Variants in DOP1A observed in about 807,000 individuals in gnomAD.
DOP1A encodes the protein DOP1 leucine zipper like protein A, also known as protein DOP1A.
DOP1A carries 90 observed loss-of-function variants against 267.6 expected under a neutral mutation model. That is an observed-to-expected ratio of 0.34 (90% CI 0.28 to 0.40). The LOEUF is 0.40. Ranked by LOEUF, DOP1A falls within the 10% of genes least tolerant of loss-of-function variation. DOP1A has a pLI of 1.00. For missense variants in DOP1A, 2,437 were observed against 2,900.4 expected, an observed-to-expected ratio of 0.84 and a Z score of 3.67; for synonymous variants, 932 against 999.1, an observed-to-expected ratio of 0.93 and a Z score of 1.27.
chr6:83,068,096 C>G (rs1398016213), intron 1 of DOP1A, among the ~76,000 whole-genome samples: 1 of 152,188 alleles, frequency 6.6e-6, no homozygotes, highest in Non-Finnish European at 1.5e-5. Flanking sequence ...GGTCCCGAGC[C>G]TCCCCTGCTG....
intron 1 of DOP1A, among the ~76,000 whole-genome samples, chr6:83,081,590 C>T (rs1489205672): frequency 6.6e-6 from 1 of 152,084 alleles, no homozygotes; most frequent in Non-Finnish European, 1.5e-5. Context: ...TATGAAACTA[C>T]TAGGAGAAAC....
intron 18 of DOP1A, 99 bp downstream of exon 18, chr6:83,132,427 T>A: frequency 8.2e-7 from 1 of 1,221,580 alleles, no homozygotes; most frequent in Non-Finnish European, 1.1e-6. Flanking sequence ...TTATTGCAAT[T>A]AACATCGGAG....
chr6:83,142,111 TCTC>T (rs1779745730), intron 24 of DOP1A, 65 bp downstream of exon 24: 1 of 1,570,456 alleles, frequency 6.4e-7, no homozygotes, highest in Non-Finnish European at 8.6e-7. Context: ...AATTTCCACT[TCTC>T]CATATATTGC....
chr6:83,136,465 T>C (rs1778876931), intron 20 of DOP1A, among the ~76,000 whole-genome samples: 1 of 152,170 alleles, frequency 6.6e-6, no homozygotes, highest in South Asian at 2.1e-4. Flanking sequence ...CTCTCACATA[T>C]GTCATTTGTC....
At chr6:83,113,444 A>G (rs780014895) in intron 7 of DOP1A, 23 bp downstream of exon 7, 24 of 1,578,366 alleles carry the variant, frequency 1.5e-5, no homozygotes, top group Non-Finnish European at 2.0e-5. Flanking sequence ...CGCCGATGTT[A>G]TTATAAGGCA....
At position 83,137,401 on chromosome 6, in the gene DOP1A, A is replaced by G; in HGVS notation, c.3359A>G (p.Asp1120Gly). The change falls in exon 21 of 39, where the codon GAC (aspartate) becomes GGC (glycine). Residue 1120 changes from aspartate to glycine, a missense_variant. By Grantham distance (94) the Asp-to-Gly change is moderately conservative. Around this residue, in one of 9 missense-constraint regions of DOP1A, gnomAD observed 878 missense variants for 992.9 expected, o/e 0.88. Transcript: ENST00000349129. ...DSGCSQSSAG[D>G]NLSYEVDPET... Reference sequence around the variant, plus strand: ...GGATGTTCACAGTCCTCTGCTGGGGACAACTTGAGTTACGAAGTTGATCCT... The same window carrying G: ...GGATGTTCACAGTCCTCTGCTGGGGGCAACTTGAGTTACGAAGTTGATCCT... The G allele has an allele frequency of 6.2e-7, 1 of 1,613,830 alleles. No homozygotes were observed. Among genetic ancestry groups the G allele is most frequent in the Non-Finnish European group, 8.5e-7 (1 of 1,179,856 alleles).
chr6:83,132,278 T>C lies in DOP1A; in HGVS notation c.2719T>C (p.Ser907Pro). The C allele has an allele frequency of 6.2e-7, 1 of 1,613,752 alleles. No homozygotes were observed. Among genetic ancestry groups the C allele is most frequent in the Non-Finnish European group, 8.5e-7 (1 of 1,179,748 alleles). The change falls in exon 18 of 39, where the codon TCT becomes CCT. Residue 907 changes from serine (S) to proline (P), a missense_variant. By Grantham distance (74) the Ser-to-Pro change is moderately conservative. Transcript: ENST00000349129. ...TCAATTACATAACTTAGTTCCTTCT[T>C]CTAGCATCTGTGAGGATGTTATAAG... ...FYQLHNLVPS[S>P]SICEDVISQQ...
downstream of DOP1A, chr6:83,169,970 A>G: frequency 2.6e-6 from 1 of 384,372 alleles, no homozygotes; most frequent in Non-Finnish European, 4.9e-6. Context: ...TCATGTCACA[A>G]GAGTATATTT....
chr6:83,154,303 C>T, intron 33 of DOP1A, 62 bp downstream of exon 33: 4 of 1,462,178 alleles, frequency 2.7e-6, no homozygotes, highest in East Asian at 2.3e-5. Context: ...TTACTATTTA[C>T]TTGTACTCTT....
intron 38 of DOP1A, among the ~76,000 whole-genome samples, chr6:83,164,039 T>A (rs1784848256): frequency 6.7e-6 from 1 of 150,268 alleles, no homozygotes; most frequent in East Asian, 1.9e-4. Context: ...TCTTTTACAT[T>A]CAACAAATTT....
At chr6:83,130,572 C>T (rs1414933037) in intron 17 of DOP1A, among the ~76,000 whole-genome samples, 175 bp downstream of exon 17, 2 of 152,096 alleles carry the variant, frequency 1.3e-5, no homozygotes, top group Admixed American at 6.6e-5. Context: ...CTGCTCTCCC[C>T]ATCTTATTCC....
intron 33 of DOP1A, among the ~76,000 whole-genome samples, chr6:83,155,253 G>A (rs1782540541): frequency 6.6e-6 from 1 of 151,024 alleles, no homozygotes; most frequent in Non-Finnish European, 1.5e-5. Flanking sequence ...TTTGAGGCCA[G>A]GAGTTTGAGA....
In DOP1A at chr6:83,132,239, G is replaced by A; in HGVS notation, c.2680G>A (p.Val894Met). 1 of 1,613,838 alleles carries A rather than the reference G, an allele frequency of 6.2e-7. No individual in the cohort carries two copies. Among genetic ancestry groups the A allele is most frequent in the South Asian group, 1.1e-5 (1 of 91,042 alleles). ...GACACCTCAGCATCACCAGAAGAGT[G>A]TGGAACTATTTTATCAATTACATAA... ...DGTPQHHQKS[V>M]ELFYQLHNLV... is the part of the protein sequence containing the mutation. Residue 894 changes from valine to methionine, a missense_variant, in exon 18 of 39, where the codon GTG becomes ATG. Transcript: ENST00000349129.
chr6:83,142,877 A>G (rs1028548844), intron 24 of DOP1A, among the ~76,000 whole-genome samples: 1 of 152,178 alleles, frequency 6.6e-6, no homozygotes, highest in Non-Finnish European at 1.5e-5. Flanking sequence ...CTATATTGAA[A>G]ACAAATCATG....
chr6:83,122,793 A>T (rs752908937), intron 11 of DOP1A, 70 bp from the exon 12 acceptor site: 1 of 1,169,934 alleles, frequency 8.5e-7, no homozygotes, highest in East Asian at 3.0e-5. Flanking sequence ...CTGGCACTGC[A>T]CTCAAATTTA....
chr6:83,106,704 G>T (rs9344339), intron 4 of DOP1A, among the ~76,000 whole-genome samples: 99,218 of 151,704 alleles, frequency 0.65, 33,885 homozygotes, highest in Middle Eastern at 0.78. Context: ...TAGCTACTGG[G>T]GAGGCTGAGG....
chr6:83,100,650 T>C (rs989158441), intron 3 of DOP1A, 55 bp from the exon 4 acceptor site: 63 of 1,236,080 alleles, frequency 5.1e-5, no homozygotes, highest in Non-Finnish European at 6.8e-5. Flanking sequence ...AAAATGGAAG[T>C]AAAATGAATG....
downstream of DOP1A, chr6:83,169,284 C>G (rs1211796192): frequency 1.2e-6 from 2 of 1,613,816 alleles, no homozygotes; most frequent in East Asian, 4.5e-5. Flanking sequence ...AGCTGAAATA[C>G]TGCCAAGCTC....
At chr6:83,134,930 G>A (rs907015641) in intron 19 of DOP1A, among the ~76,000 whole-genome samples, 1 of 152,104 alleles carries the variant, frequency 6.6e-6, no homozygotes, top group Admixed American at 6.6e-5. Context: ...TCTACTGAAC[G>A]TTATTTCAGC....
Sources: allele counts gnomAD v4.1 joint callset (sites outside exome capture counted in the v4.1 genomes callset), GRCh38; gene constraint gnomAD v4.1.1; regional missense constraint gnomAD v4.1.1; transcripts MANE v1.5; gene names NCBI Gene and HGNC (gene_info 2026-07-23, HGNC 2026-07-21).